The following ZNF566 variants were observed in gnomAD, a reference collection of about 807,000 sequenced individuals.
ZNF566 encodes zinc finger protein 566.
Under a neutral mutation model 32.8 loss-of-function variants are expected in ZNF566, and 27 were observed. The ratio of observed to expected loss-of-function variants is 0.82; its 90% CI spans 0.61 to 1.14. ZNF566 has a LOEUF of 1.14. Among genes scored for constraint, ZNF566 ranks in the 50% most tolerant of loss-of-function variants. ZNF566 has a pLI of 0.00. For synonymous variants in ZNF566, 154 were observed against 159.5 expected, an observed-to-expected ratio of 0.97 and a Z score of 0.26; for missense variants, 402 against 490.4, an observed-to-expected ratio of 0.82 and a Z score of 1.70.
intron 1 of ZNF566, among the ~76,000 whole-genome samples, chr19:36,488,103 G>A (rs186998153): frequency 2.0e-3 from 301 of 152,090 alleles, no homozygotes; most frequent in African/African-American, 7.0e-3. Flanking sequence ...TGTATCTATT[G>A]ACAGCCTCCT....
Position 36,446,326 on chromosome 19 carries a change from T to C in ZNF566, c.*2651A>G, listed in dbSNP as rs1004205562. 1 of 148,538 alleles carries C rather than the reference T, an allele frequency of 6.7e-6. No individual in the cohort carries two copies. Among genetic ancestry groups the C allele is most frequent in the Non-Finnish European group, 1.5e-5 (1 of 67,548 alleles). The allele number at this position is 148,538 out of a possible 1,614,324, so 9.2% of individuals were successfully genotyped here. On this transcript the variant is annotated 3_prime_UTR_variant, in exon 5 of 5. Coordinates refer to ENST00000452939, the MANE Select transcript of ZNF566 (RefSeq NM_001145344.1). Reference sequence around the variant, plus strand: ...TGAGACTCTGTCATGCAGGCTGGAGTGCAGTCAGGATCTCAGCTCACTGCA... The same window carrying C: ...TGAGACTCTGTCATGCAGGCTGGAGCGCAGTCAGGATCTCAGCTCACTGCA...
intron 4 of ZNF566, among the ~76,000 whole-genome samples, chr19:36,451,920 T>C (rs1183365088): frequency 6.6e-6 from 1 of 151,956 alleles, no homozygotes; most frequent in Non-Finnish European, 1.5e-5. Context: ...GGCAGAAGAA[T>C]TGCTTGAACC....
chr19:36,486,899 G>C (rs1250471094), intron 1 of ZNF566, among the ~76,000 whole-genome samples: 1 of 150,930 alleles, frequency 6.6e-6, no homozygotes, highest in Non-Finnish European at 1.5e-5. Context: ...GCGGGCGGGA[G>C]TTTCACATGG....
rs2033050005 is a variant in ZNF566, at chr19:36,448,460, G to A, written c.*517C>T. ...AATAAGAAAGCCTTAATGTTATAAA[G>A]AACAAAAAGAATAAGCCATCTTCAA... On this transcript the variant is annotated 3_prime_UTR_variant, in exon 5 of 5. Transcript: ENST00000452939. 1 of 151,944 alleles carries A rather than the reference G, an allele frequency of 6.6e-6. No individual in the cohort carries two copies. Among genetic ancestry groups the A allele is most frequent in the South Asian group, 2.1e-4 (1 of 4,828 alleles). The allele number at this position is 151,944 out of a possible 1,614,324, so 9.4% of individuals were successfully genotyped here. A position where few individuals can be genotyped will look rare whatever the true frequency, so the allele number is the denominator to read the frequency against.
At chr19:36,468,120 G>T (rs566645134) in intron 4 of ZNF566, among the ~76,000 whole-genome samples, 1 of 150,018 alleles carries the variant, frequency 6.7e-6, no homozygotes, top group Non-Finnish European at 1.5e-5. Context: ...GGGAGGCAGA[G>T]GTTGCGGTGA....
At chr19:36,481,473 GAAAAAAAAAAAA>G (rs79028574) in intron 1 of ZNF566, among the ~76,000 whole-genome samples, 7 of 110,860 alleles carry the variant, frequency 6.3e-5, no homozygotes. Context: ...ACTGTCTCGG[GAAAAAAAAAAAA>G]AAAAAAAAAA....
rs760993726 is a variant in ZNF566, at chr19:36,449,495, T to G, written c.739A>C (p.Arg247=). The change falls in exon 5 of 5, where the codon AGA becomes CGA. Residue 247 remains arginine, a synonymous_variant. Transcript: ENST00000452939. Reference sequence around the variant, plus strand: ...TAGGGTTTCTCACCAGTGTGAATTCTGTGATGTCGAGTAAGGTCTGAGCCA... The same window carrying G: ...TAGGGTTTCTCACCAGTGTGAATTCGGTGATGTCGAGTAAGGTCTGAGCCA... ...ICGSDLTRHH[R]IHTGEKPYEC... The G allele has an allele frequency of 6.2e-7, 1 of 1,614,184 alleles. No homozygotes were observed. Among genetic ancestry groups the G allele is most frequent in the Admixed American group, 1.7e-5 (1 of 60,018 alleles).
chr19:36,471,572 T>C (rs2033766871), intron 4 of ZNF566, among the ~76,000 whole-genome samples: 1 of 152,166 alleles, frequency 6.6e-6, no homozygotes, highest in Non-Finnish European at 1.5e-5. Flanking sequence ...TATCATTTAG[T>C]AAGATATGGT....
rs1227574583 is a variant in ZNF566, at chr19:36,449,349, G to C, written c.885C>G (p.Gly295=). 6.2e-7 allele frequency: 1 copy of C among 1,614,118 alleles called. No homozygotes were observed. Among genetic ancestry groups the C allele is most frequent in the East Asian group, 2.2e-5 (1 of 44,878 alleles). ...TTCTCTGATGTTGAGTAAAGTTTGA[G>C]CCACTACTAAAGGCCTTCCCGCATT... ...CKECGKAFSS[G]SNFTQHQRIH... The change falls in exon 5 of 5, where the codon GGC becomes GGG. Residue 295 remains glycine, a synonymous_variant. Coordinates refer to ENST00000452939, the MANE Select transcript of ZNF566 (RefSeq NM_001145344.1).
chr19:36,469,726 C>A (rs1568523482), intron 4 of ZNF566, among the ~76,000 whole-genome samples: 1 of 152,216 alleles, frequency 6.6e-6, no homozygotes, highest in Non-Finnish European at 1.5e-5. Flanking sequence ...CTACCAAACA[C>A]TGTGAGTGTC....
chr19:36,465,557 C>T (rs192032709), intron 4 of ZNF566, among the ~76,000 whole-genome samples: 135 of 152,140 alleles, frequency 8.9e-4, no homozygotes, highest in Admixed American at 1.6e-3. Flanking sequence ...CTGTAAGCTC[C>T]GCCTCCCAGG....
At chr19:36,474,768 C>A (rs1462312296) in intron 2 of ZNF566, among the ~76,000 whole-genome samples, 1 of 152,156 alleles carries the variant, frequency 6.6e-6, no homozygotes, top group Admixed American at 6.5e-5. Flanking sequence ...AGACTCTGAT[C>A]CATTCCTATG....
intron 4 of ZNF566, among the ~76,000 whole-genome samples, chr19:36,469,091 T>C (rs951097152): frequency 4.6e-5 from 7 of 151,862 alleles, no homozygotes; most frequent in African/African-American, 1.7e-4. Context: ...AAGTATTCAA[T>C]ATAATGACAA....
At chr19:36,466,925 CG>C (rs1568520918) in intron 4 of ZNF566, among the ~76,000 whole-genome samples, 1 of 149,726 alleles carries the variant, frequency 6.7e-6, no homozygotes, top group Admixed American at 6.7e-5. Context: ...AAAAATTAGC[CG>C]GGCGAGGTGG....
chr19:36,457,054 C>A (rs1350991272), intron 4 of ZNF566, among the ~76,000 whole-genome samples: 2 of 152,088 alleles, frequency 1.3e-5, no homozygotes, highest in African/African-American at 2.4e-5. Context: ...ATAGACACAT[C>A]AACCAATGGA....
chr19:36,453,259 G>A (rs999971545), intron 4 of ZNF566, among the ~76,000 whole-genome samples: 6 of 151,798 alleles, frequency 4.0e-5, no homozygotes, highest in African/African-American at 1.2e-4. Context: ...CAGATCACGA[G>A]GTCAAGAGAT....
In ZNF566 at chr19:36,461,723, G is replaced by C. The variant is rs1382568651; in HGVS notation, c.232+11188C>G. ...AAAATAAAATAAATCCTATGGAGAT[G>C]GTTCATATTTTGTTTTAACAGGTAT... On this transcript the variant is annotated intron_variant, in intron 4 of 4. Coordinates refer to ENST00000452939, the MANE Select transcript of ZNF566 (RefSeq NM_001145344.1). Among the ~76,000 whole-genome samples, 3 of 152,062 alleles carry C rather than the reference G, an allele frequency of 2.0e-5. No homozygotes were observed. The East Asian group carries it at 5.8e-4, about 29-fold the overall frequency.
At chr19:36,469,002 C>G (rs2033695311) in intron 4 of ZNF566, among the ~76,000 whole-genome samples, 1 of 151,424 alleles carries the variant, frequency 6.6e-6, no homozygotes, top group Non-Finnish European at 1.5e-5. Context: ...AAAAAATCAA[C>G]ACAGTAATAG....
At chr19:36,465,076 T>C (rs1249917075) in intron 4 of ZNF566, among the ~76,000 whole-genome samples, 4 of 152,036 alleles carry the variant, frequency 2.6e-5, no homozygotes, top group Admixed American at 2.6e-4. Context: ...CAAATTAGCC[T>C]AATACAAAAT....
Sources: allele counts gnomAD v4.1 joint callset (sites outside exome capture counted in the v4.1 genomes callset), GRCh38; gene constraint gnomAD v4.1.1; transcripts MANE v1.5; gene names NCBI Gene and HGNC (gene_info 2026-07-23, HGNC 2026-07-21).